Variants in MRPS6 observed in about 807,000 individuals in gnomAD.
The protein encoded by MRPS6 is mitochondrial ribosomal protein S6.
A neutral mutation model predicts 13.1 loss-of-function variants in MRPS6; 6 were observed. The ratio of observed to expected loss-of-function variants is 0.46; its 90% CI spans 0.25 to 0.91. The LOEUF is 0.91. Among genes scored for constraint, MRPS6 ranks in the 40% least tolerant of loss-of-function variants. The pLI, the probability that MRPS6 is intolerant of heterozygous loss-of-function variation, is 0.18. For synonymous variants in MRPS6, 61 were observed against 56.5 expected (o/e 1.08, Z -0.36); for missense variants, 164 against 155.6 (o/e 1.05, Z -0.29).
intron 1 of MRPS6, among the ~76,000 whole-genome samples, chr21:34,086,441 A>G (rs1297155000): frequency 1.3e-5 from 2 of 150,782 alleles, no homozygotes; most frequent in Admixed American, 6.6e-5. Flanking sequence ...ACCGGTGGTG[A>G]TTTTTCTCAT....
In MRPS6 at chr21:34,125,439, T is replaced by G; in HGVS notation, c.144T>G (p.Pro48=). 1 of 1,614,100 alleles carries G rather than the reference T, an allele frequency of 6.2e-7. No individual in the cohort carries two copies. Among genetic ancestry groups the G allele is most frequent in the Non-Finnish European group, 8.5e-7 (1 of 1,179,960 alleles). The change falls in exon 2 of 3, where the codon CCT becomes CCG. Residue 48 remains proline (P), a synonymous_variant. Coordinates refer to ENST00000399312, the MANE Select transcript of MRPS6 (RefSeq NM_032476.4). ...AAAACCTGGGTGAACGAGCGCTTCC[T>G]TATAGGATCTCTGCCCACAGTCAGC... The part of the protein sequence containing the change: ...DLENLGERAL[P]YRISAHSQQH...
chr21:34,125,175 T>G, intron 1 of MRPS6, 166 bp from the exon 2 acceptor site: 1 of 1,035,934 alleles, frequency 9.7e-7, no homozygotes, highest in Non-Finnish European at 1.3e-6. Flanking sequence ...ATAAATTCTC[T>G]CTCTCTTTTA....
chr21:34,103,536 T>C (rs1428397015), intron 1 of MRPS6: 1 of 1,000,032 alleles, frequency 1.0e-6, no homozygotes, highest in East Asian at 1.1e-4. Context: ...GACAACAGTT[T>C]ATATTCCATG....
intron 1 of MRPS6, chr21:34,097,106 A>G (rs141909962): frequency 0.011 from 17,134 of 1,614,118 alleles, 121 homozygotes; most frequent in Non-Finnish European, 0.012. Flanking sequence ...ATGGGCAAGC[A>G]GCTCTCATGG....
chr21:34,140,091 C>T (rs1337705640), intron 2 of MRPS6, among the ~76,000 whole-genome samples: 1 of 152,020 alleles, frequency 6.6e-6, no homozygotes, highest in East Asian at 1.9e-4. Context: ...TGTTTGGTTT[C>T]ATTGATGTTC....
rs141524264 is a variant in MRPS6 at position 34,075,264 on chromosome 21, C to T, written c.45+1519C>T. On this transcript the variant is annotated intron_variant, in intron 1 of 2. Coordinates refer to ENST00000399312, the MANE Select transcript of MRPS6 (RefSeq NM_032476.4). The stretch of plus-strand genomic sequence containing the variant: ...AGGTAGCAGGTGACACTGAAAGAGG[C>T]AACCTGTAGGCAATAATATTTGCTC... 4.2e-3 allele frequency among the ~76,000 whole-genome samples: 639 copies of T among 152,314 alleles called. 29 individuals carry two copies. The highest frequency in any genetic ancestry group is 0.039 in the Admixed American group (600 of 15,304).
intron 1 of MRPS6, among the ~76,000 whole-genome samples, chr21:34,110,142 T>C (rs1007606851): frequency 6.6e-6 from 1 of 152,070 alleles, no homozygotes; most frequent in African/African-American, 2.4e-5. Flanking sequence ...GCGATGAAAA[T>C]TGTTCACATT....
At chr21:34,102,033 G>GT in intron 1 of MRPS6, 3 of 1,000,088 alleles carry the variant, frequency 3.0e-6, no homozygotes, top group Non-Finnish European at 2.4e-6. Context: ...GTACTGGAAC[G>GT]TATGAGGCTG....
chr21:34,096,375 G>A lies in MRPS6; in HGVS notation c.45+22630G>A, dbSNP rs1283733727. 2 of 1,614,174 alleles carry A rather than the reference G, an allele frequency of 1.2e-6. No individual in the cohort carries two copies. Among genetic ancestry groups the A allele is most frequent in the Non-Finnish European group, 1.7e-6 (2 of 1,180,030 alleles). On this transcript the variant is annotated intron_variant, in intron 1 of 2. Coordinates refer to ENST00000399312, the MANE Select transcript of MRPS6 (RefSeq NM_032476.4). This position sits in a 1 kb window ranked among gnomAD's most constrained non-coding sequence, Gnocchi z 5.9. ...CAGTGCCAGTACCATATTCACCCTCGATGTGTACAAACTTATCCGCAAGAG... is the reference window on the plus strand; with the variant it reads ...CAGTGCCAGTACCATATTCACCCTCAATGTGTACAAACTTATCCGCAAGAG...
At chr21:34,097,382 T>G in intron 1 of MRPS6, 1 of 1,555,834 alleles carries the variant, frequency 6.4e-7, no homozygotes. Flanking sequence ...AGACACTAAC[T>G]TAAGACAATA....
rs1989245890 is a variant in MRPS6, at chr21:34,073,727, C to G, written c.27C>G (p.Ile9Met). 3 of 1,529,944 alleles carry G rather than the reference C, an allele frequency of 2.0e-6. No homozygotes were observed. In the East Asian group the frequency reaches 7.9e-5, roughly 40 times the overall value. The allele number at this position is 1,529,944 out of a possible 1,614,324, so 94.8% of individuals were successfully genotyped here. ...TGCCCCGCTACGAGCTGGCTTTAAT[C>G]CTGAAAGCCATGCAGCGGGTAAGTG... MPRYELAL[I>M]LKAMQRPETA... The change falls in exon 1 of 3, where the codon ATC becomes ATG. Residue 9 changes from isoleucine to methionine, a missense_variant. By Grantham distance (10) the Ile-to-Met change is conservative. Transcript: ENST00000399312.
chr21:34,091,673 C>G (rs1334785986), intron 1 of MRPS6, among the ~76,000 whole-genome samples: 1 of 152,188 alleles, frequency 6.6e-6, no homozygotes, highest in East Asian at 1.9e-4. Flanking sequence ...ACCAAAACTG[C>G]ATTCTAATTC....
At chr21:34,103,061 G>A (rs1417356865) in intron 1 of MRPS6, 1 of 999,998 alleles carries the variant, frequency 1.0e-6, no homozygotes. Flanking sequence ...TAAGTGGAAT[G>A]TTCATTAGTA....
At chr21:34,076,454 A>G (rs1602898774) in intron 1 of MRPS6, among the ~76,000 whole-genome samples, 1 of 152,220 alleles carries the variant, frequency 6.6e-6, no homozygotes, top group African/African-American at 2.4e-5. Flanking sequence ...ATTGAACTAT[A>G]CAGTTGTACA....
chr21:34,101,076 C>A (rs1602936416), intron 1 of MRPS6: 1 of 1,000,088 alleles, frequency 1.0e-6, no homozygotes, highest in Non-Finnish European at 1.2e-6. Flanking sequence ...AAGACCTTTC[C>A]TGTTAAATTA....
At chr21:34,087,501 G>A (rs771356384) in intron 1 of MRPS6, among the ~76,000 whole-genome samples, 9 of 152,220 alleles carry the variant, frequency 5.9e-5, no homozygotes, top group Non-Finnish European at 8.8e-5. Flanking sequence ...ATACATGGTA[G>A]TGAGGAGACA....
Position 34,142,773 on chromosome 21 carries a change from C to T in MRPS6, c.*173C>T. 1 of 636,378 alleles carries T rather than the reference C, an allele frequency of 1.6e-6. No homozygotes were observed. 39.4% of individuals were successfully genotyped at this position (636,378 alleles called of 1,614,324 possible). A position where few individuals can be genotyped will look rare whatever the true frequency, so the allele number is the denominator to read the frequency against. The stretch of plus-strand genomic sequence containing the variant: ...CCCTTTGCTTGCGAGAGGTGGGGAA[C>T]TGCTCACTGACAGCTTCTCTGTAAC... On this transcript the variant is annotated 3_prime_UTR_variant, in exon 3 of 3. Transcript: ENST00000399312.
intron 1 of MRPS6, among the ~76,000 whole-genome samples, chr21:34,109,557 A>G (rs376830583): frequency 1.3e-5 from 2 of 152,172 alleles, no homozygotes; most frequent in East Asian, 3.9e-4. Context: ...GTGCCCTCCA[A>G]TGCAGAGCCC....
chr21:34,117,019 C>G (rs996043976), intron 1 of MRPS6, among the ~76,000 whole-genome samples: 4 of 152,144 alleles, frequency 2.6e-5, no homozygotes, highest in Non-Finnish European at 2.9e-5. Flanking sequence ...GTTTTTCCCA[C>G]CACTCTGACT....
Sources: allele counts gnomAD v4.1 joint callset (sites outside exome capture counted in the v4.1 genomes callset), GRCh38; gene constraint gnomAD v4.1.1; non-coding constraint Gnocchi (gnomAD v3.1); transcripts MANE v1.5; gene names NCBI Gene and HGNC (gene_info 2026-07-23, HGNC 2026-07-21).